The following PTGIS variants were observed in gnomAD, a reference collection of about 807,000 sequenced individuals.
PTGIS encodes the protein prostacyclin synthase.
PTGIS carries 45 observed loss-of-function variants against 50.3 expected under a neutral mutation model. The observed-to-expected ratio is 0.90, with a 90% CI of 0.70 to 1.15. The LOEUF (loss-of-function observed/expected upper bound fraction) is 1.15. PTGIS is among the 50% of genes most tolerant of loss of function. The pLI, the probability that PTGIS is intolerant of heterozygous loss-of-function variation, is 0.00. For synonymous variants in PTGIS, 260 were observed against 267.7 expected, an observed-to-expected ratio of 0.97 and a Z score of 0.28; for missense variants, 668 against 661.3, an observed-to-expected ratio of 1.01 and a Z score of -0.11.
At chr20:49,565,801 G>A (rs1028935235) in intron 1 of PTGIS, among the ~76,000 whole-genome samples, 103 of 152,302 alleles carry the variant, frequency 6.8e-4, no homozygotes, top group African/African-American at 2.5e-3. Flanking sequence ...GAACTGGAAG[G>A]AGAAAGTGAG....
At position 49,568,077 on chromosome 20, in the gene PTGIS, A is replaced by G; in HGVS notation, c.40T>C (p.Leu14=). Residue 14 remains leucine, a synonymous_variant, in exon 1 of 10, where the codon TTG becomes CTG. Transcript: ENST00000244043. The part of the protein sequence containing the change: ...AALLGLLAAL[L]LLLLLSRRRT... ...CGGCGGCTCAGTAGCAGCAGCAGCA[A>G]CAGTGCGGCCAGGAGGCCGAGGAGC... 6.8e-7 allele frequency: 1 copy of G among 1,469,274 alleles called. No homozygotes were observed. The highest frequency in any genetic ancestry group is 2.3e-5 in the Admixed American group (1 of 42,952). 91.0% of individuals were successfully genotyped at this position (1,469,274 alleles called of 1,614,324 possible).
In PTGIS at chr20:49,507,645, C is replaced by T. The variant is rs1981189406; in HGVS notation, c.*275G>A. 1 of 516,558 alleles carries T rather than the reference C, an allele frequency of 1.9e-6. No homozygotes were observed. The highest frequency in any genetic ancestry group is 3.5e-6 in the Non-Finnish European group (1 of 284,508). The allele number at this position is 516,558 out of a possible 1,614,324, so 32.0% of individuals were successfully genotyped here. ...ATCTGAATAGCATTTGTGGATATCACGAGGTGAGAGTAACGAGGTGAATTG... is the reference window on the plus strand; with the variant it reads ...ATCTGAATAGCATTTGTGGATATCATGAGGTGAGAGTAACGAGGTGAATTG... On this transcript the variant is annotated 3_prime_UTR_variant, in exon 10 of 10. Coordinates refer to ENST00000244043, the MANE Select transcript of PTGIS (RefSeq NM_000961.4).
intron 5 of PTGIS, among the ~76,000 whole-genome samples, chr20:49,536,332 T>C (rs1982066488): frequency 1.3e-5 from 2 of 152,188 alleles, no homozygotes; most frequent in Admixed American, 1.3e-4. Context: ...AGTTTGGCTT[T>C]TTAAAAATAT....
intron 6 of PTGIS, 73 bp downstream of exon 6, chr20:49,523,985 G>A: frequency 6.4e-7 from 1 of 1,559,024 alleles, no homozygotes; most frequent in Non-Finnish European, 8.8e-7. Context: ...GCACAGACAT[G>A]CACACACACA....
In PTGIS at chr20:49,512,457, A is replaced by G. The variant is rs1721113479; in HGVS notation, c.1206+623T>C. On this transcript the variant is annotated intron_variant, in intron 8 of 9. Coordinates refer to ENST00000244043, the MANE Select transcript of PTGIS (RefSeq NM_000961.4). ...GATGGATAGATGAATGGATAGGTAG[A>G]TAAGTGAGTGTGTGGATGGATGGAT... Among the ~76,000 whole-genome samples the G allele has an allele frequency of 3.9e-5, 6 of 151,958 alleles. No homozygotes were observed. In the South Asian group the frequency reaches 1.2e-3, roughly 32 times the overall value.
rs189530822 is a variant in PTGIS, at chr20:49,520,562, G to C, written c.855+3496C>G. On this transcript the variant is annotated intron_variant, in intron 6 of 9. Transcript: ENST00000244043. ...TTGGCCAGGCTGGTCTCAAACTCCT[G>C]ATCTCAAGTTATCTGCCTGCCTTGG... Among the ~76,000 whole-genome samples, 120 of 152,270 alleles carry C rather than the reference G, an allele frequency of 7.9e-4. 1 individual carries two copies. Among genetic ancestry groups the C allele is most frequent in the Middle Eastern group, 3.4e-3 (1 of 294 alleles).
intron 9 of PTGIS, among the ~76,000 whole-genome samples, chr20:49,508,473 C>T (rs759571609): frequency 4.8e-4 from 73 of 152,306 alleles, no homozygotes; most frequent in Non-Finnish European, 9.1e-4. Context: ...CAGCTGATAC[C>T]GTGTGAGTGG....
Position 49,524,196 on chromosome 20 carries a change from C to A in PTGIS, c.717G>T (p.Lys239Asn). 6.2e-7 allele frequency: 1 copy of A among 1,614,228 alleles called. No individual in the cohort carries two copies. Among genetic ancestry groups the A allele is most frequent in the Non-Finnish European group, 8.5e-7 (1 of 1,180,052 alleles). The change falls in exon 6 of 10, where the codon AAG becomes AAT. Residue 239 changes from lysine to asparagine, a missense_variant. Physicochemically the swap from Lys to Asn is moderately conservative, Grantham distance 94. Coordinates refer to ENST00000244043, the MANE Select transcript of PTGIS (RefSeq NM_000961.4). ...HMCSVKSRLW[K>N]LLSPARLARR... is the part of the protein sequence containing the mutation. ...TGGCCAGCCTGGCTGGGGATAGCAG[C>A]TTCCACAGGCGACTTTTGACACTGC...
chr20:49,544,052 C>T (rs1328541713), intron 4 of PTGIS, among the ~76,000 whole-genome samples: 1 of 152,244 alleles, frequency 6.6e-6, no homozygotes, highest in Non-Finnish European at 1.5e-5. Flanking sequence ...TGAAGTCTTG[C>T]TCTGTGACTT....
chr20:49,539,542 C>A (rs369849934), intron 5 of PTGIS, 28 bp downstream of exon 5: 83 of 1,609,608 alleles, frequency 5.2e-5, no homozygotes, highest in South Asian at 1.4e-4. Flanking sequence ...TCCTCCCCCC[C>A]ACCCACTGGG....
intron 5 of PTGIS, among the ~76,000 whole-genome samples, chr20:49,527,581 T>C (rs895254354): frequency 1.3e-5 from 2 of 152,090 alleles, no homozygotes; most frequent in African/African-American, 4.8e-5. Context: ...ATAGAAGATA[T>C]GTCGGGCTGG....
intron 6 of PTGIS, among the ~76,000 whole-genome samples, chr20:49,519,506 C>T (rs1214309987): frequency 6.6e-6 from 1 of 151,988 alleles, no homozygotes; most frequent in Admixed American, 6.6e-5. Context: ...CCCTCCTCCT[C>T]ACCCTTCCCA....
chr20:49,532,637 CA>C (rs1168016968), intron 5 of PTGIS, among the ~76,000 whole-genome samples: 2 of 152,182 alleles, frequency 1.3e-5, no homozygotes, highest in Non-Finnish European at 2.9e-5. Flanking sequence ...TGAATGTTAG[CA>C]AATTATTAGC....
chr20:49,512,295 G>A (rs1172331884), intron 8 of PTGIS, among the ~76,000 whole-genome samples: 1 of 151,904 alleles, frequency 6.6e-6, no homozygotes, highest in Non-Finnish European at 1.5e-5. Flanking sequence ...GTGAATGGAT[G>A]AATGGACAGA....
intron 8 of PTGIS, 97 bp from the exon 9 acceptor site, chr20:49,511,276 G>A (rs1981313507): frequency 1.4e-6 from 2 of 1,474,742 alleles, no homozygotes; most frequent in Admixed American, 3.6e-5. Flanking sequence ...ATGTTTATAA[G>A]AGGGAAAAAC....
intron 5 of PTGIS, among the ~76,000 whole-genome samples, chr20:49,529,505 A>C (rs1981879957): frequency 1.3e-5 from 2 of 152,194 alleles, no homozygotes; most frequent in Admixed American, 1.3e-4. Flanking sequence ...TGTCTTATCC[A>C]GTTTCACTTT....
At chr20:49,509,301 C>A (rs1182243121) in intron 9 of PTGIS, among the ~76,000 whole-genome samples, 1 of 152,200 alleles carries the variant, frequency 6.6e-6, no homozygotes, top group African/African-American at 2.4e-5. Flanking sequence ...ATGATCTGAC[C>A]TGCCTAGACT....
chr20:49,521,931 G>A (rs1250881423), intron 6 of PTGIS, among the ~76,000 whole-genome samples: 3 of 151,820 alleles, frequency 2.0e-5, no homozygotes, highest in African/African-American at 7.3e-5. Context: ...ATCTATCCAC[G>A]TCCTCATCAC....
intron 2 of PTGIS, among the ~76,000 whole-genome samples, chr20:49,549,499 C>A (rs1982450297): frequency 6.6e-6 from 1 of 152,124 alleles, no homozygotes; most frequent in Non-Finnish European, 1.5e-5. Flanking sequence ...ATACAGGGGG[C>A]CAACTGTATA....
Sources: gnomAD v4.1 joint callset for allele counts (sites outside exome capture counted in the v4.1 genomes callset) on GRCh38, gnomAD v4.1.1 for gene constraint, MANE v1.5 for transcripts, NCBI Gene and HGNC (gene_info 2026-07-23, HGNC 2026-07-21) for gene names.